Variants in SMARCAD1 observed in about 807,000 individuals in gnomAD.
SMARCAD1 encodes the protein SWI/SNF-related matrix-associated actin-dependent regulator of chromatin subfamily A containing DEAD/H box 1.
In SMARCAD1, 25 loss-of-function variants were observed where a neutral mutation model predicts 127.1. The observed-to-expected ratio is 0.20, with a 90% CI of 0.14 to 0.27. The LOEUF is 0.27. Among genes scored for constraint, SMARCAD1 ranks in the 10% least tolerant of loss-of-function variants. SMARCAD1 has a pLI of 1.00. For missense variants in SMARCAD1, 807 were observed against 1,206.0 expected, an observed-to-expected ratio of 0.67 and a Z score of 4.90; for synonymous variants, 400 against 396.9, an observed-to-expected ratio of 1.01 and a Z score of -0.09.
chr4:94,228,533 C>T (rs2125842202), intron 3 of SMARCAD1, among the ~76,000 whole-genome samples: 1 of 152,086 alleles, frequency 6.6e-6, no homozygotes, highest in East Asian at 1.9e-4. Context: ...CCAGTAATGT[C>T]CTTTAGAGCA....
At chr4:94,254,431 A>T (rs1330801156) in intron 9 of SMARCAD1, among the ~76,000 whole-genome samples, 1 of 152,164 alleles carries the variant, frequency 6.6e-6, no homozygotes. Context: ...AGTTGCTGTA[A>T]ATACTTGCCC....
intron 2 of SMARCAD1, among the ~76,000 whole-genome samples, chr4:94,216,393 A>G (rs1177140168): frequency 6.6e-6 from 1 of 152,108 alleles, no homozygotes. Flanking sequence ...TGCATTCCGC[A>G]TTACCACACT....
At chr4:94,238,188 T>C (rs2125873993) in intron 5 of SMARCAD1, among the ~76,000 whole-genome samples, 1 of 152,268 alleles carries the variant, frequency 6.6e-6, no homozygotes, top group South Asian at 2.1e-4. Flanking sequence ...ATATGAAATA[T>C]TTTAAACCTT....
rs1298590403 is a variant in SMARCAD1, at chr4:94,278,941, A to G, written c.2309A>G (p.Glu770Gly). 1 of 1,614,048 alleles carries G rather than the reference A, an allele frequency of 6.2e-7. No homozygotes were observed. The highest frequency in any genetic ancestry group is 8.5e-7 in the Non-Finnish European group (1 of 1,179,940). Reference protein sequence around the residue: ...KSINNLEKNTEMCNVMMQLRK... With the variant: ...KSINNLEKNTGMCNVMMQLRK... The stretch of plus-strand genomic sequence containing the variant: ...CTTTGAGTCACAGAAAAAAACACAG[A>G]AATGTGCAATGTCATGATGCAGTTG... The change falls in exon 19 of 24, where the codon GAA (glutamate) becomes GGA (glycine). Residue 770 changes from glutamate (E) to glycine (G), a missense_variant. Physicochemically the swap from Glu to Gly is moderately conservative, Grantham distance 98 (BLOSUM62 -2). Coordinates refer to ENST00000354268, the MANE Select transcript of SMARCAD1 (RefSeq NM_020159.5).
intron 13 of SMARCAD1, 28 bp from the exon 14 acceptor site, chr4:94,274,862 T>TCATG: frequency 1.3e-6 from 2 of 1,586,024 alleles, no homozygotes; most frequent in South Asian, 2.2e-5. Flanking sequence ...CAATAAATAG[T>TCATG]CATGTGTTTA....
intron 2 of SMARCAD1, among the ~76,000 whole-genome samples, chr4:94,222,160 G>A (rs1168707755): frequency 1.3e-5 from 2 of 152,128 alleles, no homozygotes; most frequent in African/African-American, 2.4e-5. Context: ...AGATGAGTCA[G>A]CTACCCATTT....
intron 21 of SMARCAD1, among the ~76,000 whole-genome samples, chr4:94,281,866 C>G (rs1169655080): frequency 9.0e-6 from 1 of 111,728 alleles, no homozygotes; most frequent in Non-Finnish European, 2.0e-5. Context: ...ACTAAAAACA[C>G]CAATAGCAAC....
At position 94,252,563 on chromosome 4, in the gene SMARCAD1, C is replaced by T. The variant is rs1015978890; in HGVS notation, c.890-53C>T. ...TTTTAAGTTTTTATTTGAAGTCTAT[C>T]TTTATATTTATGTATTTCTAATTTA... On this transcript the variant is annotated intron_variant, in intron 8 of 23. Transcript: ENST00000354268. 21 of 1,239,436 alleles carry T rather than the reference C, an allele frequency of 1.7e-5. No homozygotes were observed. In the African/African-American group the frequency reaches 3.4e-4, roughly 20 times the overall value. 76.8% of individuals were successfully genotyped at this position (1,239,436 alleles called of 1,614,324 possible).
In SMARCAD1 at chr4:94,290,738, G is replaced by A. The variant is rs191527262; in HGVS notation, c.*1204G>A. 2.3e-6 allele frequency: 1 copy of A among 428,410 alleles called. No individual in the cohort carries two copies. The highest frequency in any genetic ancestry group is 2.6e-5 in the Admixed American group (1 of 37,906). 26.5% of individuals were successfully genotyped at this position (428,410 alleles called of 1,614,324 possible). A position where few individuals can be genotyped will look rare whatever the true frequency, so the allele number is the denominator to read the frequency against. On this transcript the variant is annotated 3_prime_UTR_variant, in exon 24 of 24. Coordinates refer to ENST00000354268, the MANE Select transcript of SMARCAD1 (RefSeq NM_020159.5). ...ATATTGCTGTTTTTATTATACATCA[G>A]TTTCTTTGTATAACTTGTGAGTTCC... is the stretch of plus-strand genomic sequence containing the variant.
At chr4:94,215,621 A>T (rs1479510583) in intron 2 of SMARCAD1, among the ~76,000 whole-genome samples, 1 of 121,146 alleles carries the variant, frequency 8.3e-6, no homozygotes, top group Admixed American at 9.3e-5. Flanking sequence ...ATTCTGTCCC[A>T]AAAAGGGGGG....
Position 94,229,994 on chromosome 4 carries a change from C to T in SMARCAD1, c.368+3698C>T, listed in dbSNP as rs540402176. Reference sequence around the variant, plus strand: ...TAGTTTTAGAATAGCTACACCCATACTACTTGACCATTGAGGGTATACAGT... The same window carrying T: ...TAGTTTTAGAATAGCTACACCCATATTACTTGACCATTGAGGGTATACAGT... On this transcript the variant is annotated intron_variant, in intron 3 of 23. Transcript: ENST00000354268. 1.6e-4 allele frequency among the ~76,000 whole-genome samples: 25 copies of T among 152,076 alleles called. No individual in the cohort carries two copies. In the South Asian group the frequency reaches 5.0e-3, roughly 30 times the overall value.
intron 9 of SMARCAD1, among the ~76,000 whole-genome samples, chr4:94,258,373 T>G (rs1045655332): frequency 6.6e-6 from 1 of 152,130 alleles, no homozygotes; most frequent in Non-Finnish European, 1.5e-5. Flanking sequence ...CGGGCTGGTC[T>G]TGAACTCCTG....
At chr4:94,277,601 A>T (rs1753483277) in intron 16 of SMARCAD1, among the ~76,000 whole-genome samples, 1 of 152,218 alleles carries the variant, frequency 6.6e-6, no homozygotes, top group Non-Finnish European at 1.5e-5. Flanking sequence ...AACCAAAGTC[A>T]CAACTAAAAG....
intron 2 of SMARCAD1, among the ~76,000 whole-genome samples, chr4:94,217,087 C>G (rs1186542048): frequency 1.3e-5 from 2 of 152,156 alleles, no homozygotes; most frequent in Non-Finnish European, 2.9e-5. Context: ...CCTCTCCAAC[C>G]TTGTTATTTC....
chr4:94,273,367 A>G (rs983352640), intron 11 of SMARCAD1, among the ~76,000 whole-genome samples: 2 of 152,154 alleles, frequency 1.3e-5, no homozygotes, highest in Non-Finnish European at 2.9e-5. Flanking sequence ...TTCCATATTA[A>G]TGTGTATTGT....
intron 5 of SMARCAD1, among the ~76,000 whole-genome samples, chr4:94,237,892 T>C (rs1371279770): frequency 6.6e-6 from 1 of 152,190 alleles, no homozygotes; most frequent in South Asian, 2.1e-4. Context: ...CAAACTAGGA[T>C]GTTCAAGCAA....
chr4:94,207,736 G>C (rs1273612821), upstream of SMARCAD1: 1 of 192,996 alleles, frequency 5.2e-6, no homozygotes, highest in African/African-American at 2.4e-5. Flanking sequence ...CTACAAGATC[G>C]TAAGTACTGA....
intron 3 of SMARCAD1, among the ~76,000 whole-genome samples, chr4:94,231,325 A>G (rs1334172185): frequency 6.6e-6 from 1 of 152,226 alleles, no homozygotes; most frequent in Non-Finnish European, 1.5e-5. Flanking sequence ...TAGTTAGAGC[A>G]GAGTCTTGTA....
chr4:94,238,154 C>G (rs948766737), intron 5 of SMARCAD1, among the ~76,000 whole-genome samples: 2 of 152,092 alleles, frequency 1.3e-5, no homozygotes, highest in African/African-American at 4.8e-5. Flanking sequence ...CAAGTAGATT[C>G]TACATAAGAT....
Sources: gnomAD v4.1 joint callset for allele counts (sites outside exome capture counted in the v4.1 genomes callset) on GRCh38, gnomAD v4.1.1 for gene constraint, MANE v1.5 for transcripts, NCBI Gene and HGNC (gene_info 2026-07-23, HGNC 2026-07-21) for gene names.